SPAG9: variants seen among roughly 807,000 people sequenced by gnomAD.
SPAG9 encodes the protein sperm associated antigen 9.
Under a neutral mutation model 166.5 loss-of-function variants are expected in SPAG9, and 35 were observed. That is an observed-to-expected ratio of 0.21 (90% confidence interval 0.16 to 0.28). The LOEUF is 0.28. Ranked by LOEUF, SPAG9 falls within the 10% of genes least tolerant of loss-of-function variation. SPAG9 has a pLI of 1.00. For missense variants in SPAG9, 1,235 were observed against 1,603.3 expected (o/e 0.77, Z 3.92); for synonymous variants, 534 against 565.5 (o/e 0.94, Z 0.79).
At chr17:51,119,033 C>CAAAAAAAAAAAAAAAAAAAAA (rs3079111) in intron 1 of SPAG9, among the ~76,000 whole-genome samples, 1 of 96,262 alleles carries the variant, frequency 1.0e-5, no homozygotes, top group African/African-American at 4.2e-5. Flanking sequence ...GACTACGTCT[C>CAAAAAAAAAAAAAAAAAAAAA]AAAAAAAAAA....
In SPAG9 at chr17:50,966,434, T is replaced by C. The variant is rs774903112; in HGVS notation, c.3851-47A>G. The C allele has an allele frequency of 1.1e-5, 13 of 1,153,760 alleles. No homozygotes were observed. The East Asian group carries it at 1.6e-4, about 15-fold the overall frequency. The allele number at this position is 1,153,760 out of a possible 1,614,324, so 71.5% of individuals were successfully genotyped here. A position where few individuals can be genotyped will look rare whatever the true frequency, so the allele number is the denominator to read the frequency against. On this transcript the variant is annotated intron_variant, in intron 29 of 29. Coordinates refer to ENST00000262013, the MANE Select transcript of SPAG9 (RefSeq NM_001130528.3). ...CAAGTTAGGCTGAACACATAAAATA[T>C]AGAATGATGTGAGTCAGATGTAATG...
At chr17:51,043,911 T>C (rs1303550173) in intron 4 of SPAG9, among the ~76,000 whole-genome samples, 1 of 152,194 alleles carries the variant, frequency 6.6e-6, no homozygotes, top group East Asian at 1.9e-4. Context: ...TTCCAAAAAG[T>C]AAACAAAATC....
chr17:51,099,099 C>CAAAA (rs35291018), intron 1 of SPAG9, among the ~76,000 whole-genome samples: 1 of 45,968 alleles, frequency 2.2e-5, no homozygotes, highest in Non-Finnish European at 4.7e-5. Flanking sequence ...GACTCCGTCT[C>CAAAA]AAAAAAAAAA....
intron 6 of SPAG9, among the ~76,000 whole-genome samples, chr17:51,026,295 G>C (rs1450659632): frequency 7.3e-6 from 1 of 137,810 alleles, no homozygotes; most frequent in East Asian, 2.3e-4. Flanking sequence ...CCAGGAGACA[G>C]TCTAGATATC....
chr17:50,991,183 C>T (rs539628383), intron 19 of SPAG9, among the ~76,000 whole-genome samples: 27 of 151,656 alleles, frequency 1.8e-4, no homozygotes, highest in South Asian at 2.1e-4. Flanking sequence ...ATTACAGGTG[C>T]GAGCCACCAC....
chr17:51,043,088 C>T (rs944402873), intron 4 of SPAG9, among the ~76,000 whole-genome samples: 2 of 152,124 alleles, frequency 1.3e-5, no homozygotes, highest in Non-Finnish European at 2.9e-5. Context: ...CAAGGTTTCA[C>T]CATGTTGGCC....
rs145675481 is a variant in SPAG9 at position 51,024,569 on chromosome 17, C to T, written c.784-3204G>A. Among the ~76,000 whole-genome samples, 328 of 151,956 alleles carry T rather than the reference C, an allele frequency of 2.2e-3. 2 individuals carry two copies. The highest frequency in any genetic ancestry group is 7.4e-3 in the African/African-American group (308 of 41,434). ...GGAGAAACTCCGTCTCTAAATCAGCCGGGCGTGGCGGCACACGTCTGTAAT... is the reference window on the plus strand; with the variant it reads ...GGAGAAACTCCGTCTCTAAATCAGCTGGGCGTGGCGGCACACGTCTGTAAT... On this transcript the variant is annotated intron_variant, in intron 6 of 29. Transcript: ENST00000262013.
intron 6 of SPAG9, among the ~76,000 whole-genome samples, chr17:51,027,488 G>T (rs868524223): frequency 2.0e-5 from 3 of 151,812 alleles, no homozygotes; most frequent in African/African-American, 7.3e-5. Context: ...ACTACTTTTG[G>T]TCAACAGTAC....
At chr17:51,021,074 C>A in intron 7 of SPAG9, 84 bp downstream of exon 7, 1 of 1,160,870 alleles carries the variant, frequency 8.6e-7, no homozygotes, top group Admixed American at 1.8e-5. Flanking sequence ...GCAGGCAACA[C>A]CCACAAAGAC....
chr17:51,029,923 T>C (rs1478824349), intron 6 of SPAG9, among the ~76,000 whole-genome samples: 3 of 152,172 alleles, frequency 2.0e-5, no homozygotes, highest in East Asian at 1.9e-4. Context: ...AAAATGGTCA[T>C]TTTTTTCCTC....
At chr17:50,981,622 T>A (rs770914943) in intron 25 of SPAG9, among the ~76,000 whole-genome samples, 11 of 151,372 alleles carry the variant, frequency 7.3e-5, no homozygotes, top group Admixed American at 3.3e-4. Context: ...GAAAGAAATG[T>A]GATTTGGGGG....
At chr17:51,037,602 G>A (rs1044442806) in intron 5 of SPAG9, among the ~76,000 whole-genome samples, 2 of 141,918 alleles carry the variant, frequency 1.4e-5, no homozygotes, top group African/African-American at 5.3e-5. Context: ...GACAAAGCTA[G>A]ACTCCATCTC....
intron 1 of SPAG9, among the ~76,000 whole-genome samples, chr17:51,093,484 C>G (rs1039562805): frequency 1.4e-4 from 22 of 152,004 alleles, no homozygotes; most frequent in East Asian, 1.9e-4. Context: ...GGGTGGATCA[C>G]AAAGTCAGGA....
At chr17:51,037,339 A>G (rs898576593) in intron 5 of SPAG9, among the ~76,000 whole-genome samples, 7 of 152,052 alleles carry the variant, frequency 4.6e-5, no homozygotes, top group Non-Finnish European at 1.0e-4. Flanking sequence ...TACATAAAAA[A>G]TAGGCCGGGC....
chr17:50,980,267 G>A (rs1422400747), intron 25 of SPAG9, among the ~76,000 whole-genome samples: 3 of 151,898 alleles, frequency 2.0e-5, no homozygotes, highest in Non-Finnish European at 2.9e-5. Context: ...GTGCAATGGC[G>A]CAATCTCGGC....
At chr17:51,015,708 T>C (rs1303334579) in intron 8 of SPAG9, among the ~76,000 whole-genome samples, 1 of 147,402 alleles carries the variant, frequency 6.8e-6, no homozygotes, top group Admixed American at 7.0e-5. Context: ...TAAAAAGAAT[T>C]TGGAAAAAAA....
intron 22 of SPAG9, among the ~76,000 whole-genome samples, chr17:50,986,865 C>T (rs184399887): frequency 6.6e-6 from 1 of 152,260 alleles, no homozygotes. Context: ...ATTTTACATA[C>T]CTCTTCTTCC....
Position 51,117,708 on chromosome 17 carries a change from C to CAAAA in SPAG9, c.303+2642_303+2645dup, listed in dbSNP as rs397856959. ...TGGGTGACAGAGCAAGACTCCGTCTCAAAAAAAAAAAAAAAAAAAAAAAAG... is the reference window on the plus strand; with the variant it reads ...TGGGTGACAGAGCAAGACTCCGTCTCAAAAAAAAAAAAAAAAAAAAAAAAAAAAG... On this transcript the variant is annotated intron_variant, in intron 1 of 29. Transcript: ENST00000262013. 1.3e-3 allele frequency among the ~76,000 whole-genome samples: 53 copies of CAAAA among 41,714 alleles called. 1 individual carries two copies. The highest frequency in any genetic ancestry group is 4.7e-3 in the African/African-American group (39 of 8,320). 27.4% of individuals were successfully genotyped at this position (41,714 alleles called of 152,430 possible). A position where few individuals can be genotyped will look rare whatever the true frequency, so the allele number is the denominator to read the frequency against.
At chr17:51,076,399 AGAGT>A (rs960359987) in intron 2 of SPAG9, among the ~76,000 whole-genome samples, 3 of 151,958 alleles carry the variant, frequency 2.0e-5, no homozygotes, top group Admixed American at 2.0e-4. Context: ...CACGTTAGAC[AGAGT>A]GAGATCCGGT....
Sources: gnomAD v4.1 joint callset for allele counts (sites outside exome capture counted in the v4.1 genomes callset) on GRCh38, gnomAD v4.1.1 for gene constraint, MANE v1.5 for transcripts, NCBI Gene and HGNC (gene_info 2026-07-23, HGNC 2026-07-21) for gene names.